SLIT2: variants seen among roughly 807,000 people sequenced by gnomAD.
SLIT2 encodes slit guidance ligand 2.
Under a neutral mutation model 185.7 loss-of-function variants are expected in SLIT2, and 41 were observed. The observed-to-expected ratio is 0.22, with a 90% CI of 0.17 to 0.29. SLIT2 has a LOEUF of 0.29. Ranked by LOEUF, SLIT2 falls within the 10% of genes least tolerant of loss-of-function variation. The pLI, the probability that SLIT2 is intolerant of heterozygous loss-of-function variation, is 1.00. For synonymous variants in SLIT2, 693 were observed against 680.2 expected (o/e 1.02, Z -0.29); for missense variants, 1,571 against 1,909.0 (o/e 0.82, Z 3.30).
chr4:20,461,375 T>C (rs1273319860), intron 4 of SLIT2, among the ~76,000 whole-genome samples: 1 of 151,934 alleles, frequency 6.6e-6, no homozygotes, highest in Non-Finnish European at 1.5e-5. Context: ...GTGGCTGAAA[T>C]AGAGAGAATG....
intron 4 of SLIT2, among the ~76,000 whole-genome samples, chr4:20,398,095 G>A (rs1269045053): frequency 2.0e-5 from 3 of 151,782 alleles, no homozygotes; most frequent in African/African-American, 7.2e-5. Context: ...TGGCTCTCAG[G>A]AAAGAAAGCT....
At chr4:20,425,551 T>C (rs779425573) in intron 4 of SLIT2, among the ~76,000 whole-genome samples, 4 of 152,136 alleles carry the variant, frequency 2.6e-5, no homozygotes, top group Non-Finnish European at 5.9e-5. Context: ...AGGATCCCGT[T>C]TAAAGAAATG....
chr4:20,495,373 G>T (rs546885652), intron 9 of SLIT2, among the ~76,000 whole-genome samples: 31 of 152,254 alleles, frequency 2.0e-4, no homozygotes, highest in Non-Finnish European at 3.4e-4. Context: ...GATCAGTCTG[G>T]ACACAGGAGC....
chr4:20,411,008 A>G (rs540121356), intron 4 of SLIT2, among the ~76,000 whole-genome samples: 1 of 152,276 alleles, frequency 6.6e-6, no homozygotes, highest in South Asian at 2.1e-4. Context: ...TTTTGGCAGT[A>G]TGGCCATTTT....
chr4:20,283,137 C>G (rs750365746), intron 4 of SLIT2, among the ~76,000 whole-genome samples: 1 of 152,118 alleles, frequency 6.6e-6, no homozygotes, highest in Admixed American at 6.5e-5. Context: ...CACACACACA[C>G]ACACACAAAG....
chr4:20,498,367 A>G (rs1233182437), intron 9 of SLIT2, among the ~76,000 whole-genome samples: 2 of 152,198 alleles, frequency 1.3e-5, no homozygotes, highest in Non-Finnish European at 2.9e-5. Flanking sequence ...TTATTCTTCA[A>G]TAGTTGCAAT....
intron 30 of SLIT2, among the ~76,000 whole-genome samples, chr4:20,590,518 A>G (rs1463583779): frequency 2.6e-5 from 4 of 152,206 alleles, no homozygotes; most frequent in African/African-American, 9.7e-5. Flanking sequence ...GTCCCAGGCT[A>G]TGCCTGTGAT....
intron 4 of SLIT2, among the ~76,000 whole-genome samples, chr4:20,325,153 A>T (rs1280568020): frequency 1.3e-5 from 2 of 150,414 alleles, no homozygotes; most frequent in African/African-American, 4.9e-5. Flanking sequence ...GCTTTTTTCT[A>T]CCCTCATCTT....
At chr4:20,472,370 C>A (rs367786465) in intron 5 of SLIT2, among the ~76,000 whole-genome samples, 11 of 22,458 alleles carry the variant, frequency 4.9e-4, no homozygotes, top group Admixed American at 1.7e-3. Flanking sequence ...ATATAGATAT[C>A]TATATCTATA....
intron 4 of SLIT2, among the ~76,000 whole-genome samples, chr4:20,428,571 G>A (rs555627360): frequency 2.3e-4 from 35 of 152,284 alleles, no homozygotes; most frequent in African/African-American, 7.9e-4. Context: ...CACTAAAAAG[G>A]TTGGGTTCTA....
chr4:20,473,752 A>T (rs1453760003), intron 5 of SLIT2, among the ~76,000 whole-genome samples: 1 of 152,026 alleles, frequency 6.6e-6, no homozygotes, highest in Non-Finnish European at 1.5e-5. Context: ...TGTCATCTAC[A>T]TAATTCCTAA....
chr4:20,330,747 C>T (rs1719994564), intron 4 of SLIT2, among the ~76,000 whole-genome samples: 1 of 151,726 alleles, frequency 6.6e-6, no homozygotes, highest in Non-Finnish European at 1.5e-5. Context: ...ATGGGGGGAA[C>T]ATGGATAGTA....
intron 29 of SLIT2, among the ~76,000 whole-genome samples, chr4:20,584,277 G>T (rs899538604): frequency 6.6e-6 from 1 of 152,134 alleles, no homozygotes. Context: ...GGCCATCCTA[G>T]ACAATAATAC....
At chr4:20,581,010 G>A (rs997316294) in intron 29 of SLIT2, among the ~76,000 whole-genome samples, 5 of 152,164 alleles carry the variant, frequency 3.3e-5, no homozygotes, top group East Asian at 1.9e-4. Flanking sequence ...TTTATTCCCC[G>A]CTGTAAACTT....
chr4:20,283,147 G>A (rs1714953448), intron 4 of SLIT2, among the ~76,000 whole-genome samples: 1 of 147,206 alleles, frequency 6.8e-6, no homozygotes. Context: ...CACACACAAA[G>A]TCATTCAACT....
Position 20,536,040 on chromosome 4 carries a change from A to G in SLIT2, c.1832+2325A>G, listed in dbSNP as rs192512573. ...GTTACTGTACTGAATACTGTAGGCA[A>G]TTGTTACTAACACAATGTAAAGTAT... is the stretch of plus-strand genomic sequence containing the variant. On this transcript the variant is annotated intron_variant, in intron 18 of 36. Coordinates refer to ENST00000504154, the MANE Select transcript of SLIT2 (RefSeq NM_004787.4). Among the ~76,000 whole-genome samples the G allele has an allele frequency of 8.9e-4, 135 of 152,310 alleles. 1 individual carries two copies. The highest frequency in any genetic ancestry group is 2.0e-4 in the Admixed American group (3 of 15,292).
intron 6 of SLIT2, among the ~76,000 whole-genome samples, chr4:20,482,596 A>T (rs1046732430): frequency 1.3e-5 from 2 of 152,014 alleles, no homozygotes; most frequent in South Asian, 2.1e-4. Flanking sequence ...GAATGAGGCA[A>T]CACACCAAAG....
intron 3 of SLIT2, among the ~76,000 whole-genome samples, chr4:20,262,527 C>T (rs913086374): frequency 4.6e-5 from 7 of 151,814 alleles, no homozygotes; most frequent in East Asian, 1.9e-4. Flanking sequence ...GACAGTCTAA[C>T]GGTGCTAATC....
At chr4:20,600,037 C>T (rs1371995835) in intron 33 of SLIT2, among the ~76,000 whole-genome samples, 1 of 152,110 alleles carries the variant, frequency 6.6e-6, no homozygotes, top group Non-Finnish European at 1.5e-5. Flanking sequence ...ATTTTATCTC[C>T]AAATGGTGAT....
Sources: allele counts gnomAD v4.1 joint callset (sites outside exome capture counted in the v4.1 genomes callset), GRCh38; gene constraint gnomAD v4.1.1; transcripts MANE v1.5; gene names NCBI Gene and HGNC (gene_info 2026-07-23, HGNC 2026-07-21).